Variants in ZFPM2 observed in about 807,000 individuals in gnomAD.
ZFPM2 encodes the protein zinc finger protein ZFPM2.
A neutral mutation model predicts 98.6 loss-of-function variants in ZFPM2; 20 were observed. The observed-to-expected ratio is 0.20, with a 90% CI of 0.14 to 0.29. The LOEUF (loss-of-function observed/expected upper bound fraction) is 0.29, where lower values mean the gene tolerates loss of function less well. ZFPM2 is among the 10% of genes least tolerant of loss of function. ZFPM2 has a pLI of 1.00. For synonymous variants in ZFPM2, 518 were observed against 502.7 expected, an observed-to-expected ratio of 1.03 and a Z score of -0.41; for missense variants, 1,310 against 1,388.6, an observed-to-expected ratio of 0.94 and a Z score of 0.90.
chr8:105,332,765 G>C (rs1812256266), intron 1 of ZFPM2, among the ~76,000 whole-genome samples: 1 of 151,794 alleles, frequency 6.6e-6, no homozygotes, highest in African/African-American at 2.4e-5. Flanking sequence ...ATTGAAGGAG[G>C]AGTGGGAGAT....
rs1447531261 is a variant in ZFPM2 at position 105,617,533 on chromosome 8, T to C, written c.421-16713T>C. On this transcript the variant is annotated intron_variant, in intron 4 of 7. Transcript: ENST00000407775. ...GGTTGCATCCAGAGGTTCTGAGGAGTGGGATAGACCTGCAGGAATGAAGAC... is the reference window on the plus strand; with the variant it reads ...GGTTGCATCCAGAGGTTCTGAGGAGCGGGATAGACCTGCAGGAATGAAGAC... Among the ~76,000 whole-genome samples, 5 of 152,100 alleles carry C rather than the reference T, an allele frequency of 3.3e-5. No individual in the cohort carries two copies. The East Asian group carries it at 9.7e-4, about 30-fold the overall frequency.
chr8:105,765,725 A>G (rs1214281022), intron 5 of ZFPM2, among the ~76,000 whole-genome samples: 3 of 151,920 alleles, frequency 2.0e-5, no homozygotes, highest in African/African-American at 7.2e-5. Flanking sequence ...TTGTAATAGT[A>G]ACATATTTTC....
intron 2 of ZFPM2, among the ~76,000 whole-genome samples, chr8:105,441,228 C>G (rs1369148135): frequency 1.3e-5 from 2 of 151,654 alleles, no homozygotes; most frequent in Non-Finnish European, 2.9e-5. Context: ...TTTCATTTGT[C>G]AACTTACTCT....
intron 1 of ZFPM2, among the ~76,000 whole-genome samples, chr8:105,414,705 A>G (rs1263023899): frequency 2.0e-5 from 3 of 151,966 alleles, no homozygotes; most frequent in Non-Finnish European, 4.4e-5. Context: ...AATTGTAGCA[A>G]TAATTTTCTT....
chr8:105,682,188 A>C (rs556049693), intron 5 of ZFPM2, among the ~76,000 whole-genome samples: 1 of 152,296 alleles, frequency 6.6e-6, no homozygotes, highest in South Asian at 2.1e-4. Flanking sequence ...TGTAATAAGT[A>C]TCATGAGGAA....
chr8:105,607,995 T>C (rs1473171108), intron 4 of ZFPM2, among the ~76,000 whole-genome samples: 2 of 152,084 alleles, frequency 1.3e-5, no homozygotes, highest in African/African-American at 4.8e-5. Flanking sequence ...TATGGAATAC[T>C]GTGCAGCCGT....
chr8:105,338,771 G>T (rs1426135703), intron 1 of ZFPM2, among the ~76,000 whole-genome samples: 1 of 151,832 alleles, frequency 6.6e-6, no homozygotes, highest in Non-Finnish European at 1.5e-5. Flanking sequence ...GAATTTGCAT[G>T]TGTCTTACCT....
chr8:105,556,696 C>CCCCTT (rs202163654), intron 3 of ZFPM2, among the ~76,000 whole-genome samples: 17,545 of 121,334 alleles, frequency 0.14, 1,941 homozygotes, highest in African/African-American at 0.23. Flanking sequence ...TTCCCCCTTC[C>CCCCTT]CCCTTCCCTT....
At chr8:105,775,903 C>T (rs1186569500) in intron 5 of ZFPM2, among the ~76,000 whole-genome samples, 1 of 152,122 alleles carries the variant, frequency 6.6e-6, no homozygotes, top group Non-Finnish European at 1.5e-5. Flanking sequence ...GCCTCCAACA[C>T]ATTAATTCAG....
chr8:105,422,660 G>A (rs1462510696), intron 2 of ZFPM2, among the ~76,000 whole-genome samples: 1 of 152,014 alleles, frequency 6.6e-6, no homozygotes, highest in Non-Finnish European at 1.5e-5. Context: ...TTTGTAAATT[G>A]AATGTTTTTT....
intron 1 of ZFPM2, among the ~76,000 whole-genome samples, chr8:105,377,955 T>C (rs1337681029): frequency 6.6e-6 from 1 of 152,124 alleles, no homozygotes; most frequent in Non-Finnish European, 1.5e-5. Context: ...GATGAGTGTG[T>C]AAAAAGTGTG....
At chr8:105,387,033 G>A (rs1158490961) in intron 1 of ZFPM2, 1 of 152,314 alleles carries the variant, frequency 6.6e-6, no homozygotes, top group Non-Finnish European at 1.5e-5. Flanking sequence ...GTGCCGATTG[G>A]TGTATTTACA....
chr8:105,535,294 A>C (rs1009513444), intron 3 of ZFPM2, among the ~76,000 whole-genome samples: 10 of 152,154 alleles, frequency 6.6e-5, no homozygotes, highest in Non-Finnish European at 1.2e-4. Flanking sequence ...TATTGTTATT[A>C]AAGCATGCTA....
rs114512932 is a variant in ZFPM2 at position 105,637,871 on chromosome 8, C to T, written c.532+3514C>T. The stretch of plus-strand genomic sequence containing the variant: ...AACTCCACAATGTTTGTGGCATTTT[C>T]GTAATGCCTATATTATTTATTAATT... On this transcript the variant is annotated intron_variant, in intron 5 of 7. Coordinates refer to ENST00000407775, the MANE Select transcript of ZFPM2 (RefSeq NM_012082.4). 5.3e-3 allele frequency among the ~76,000 whole-genome samples: 804 copies of T among 152,168 alleles called. 5 individuals are homozygous for T. The highest frequency in any genetic ancestry group is 0.015 in the African/African-American group (635 of 41,520).
intron 5 of ZFPM2, among the ~76,000 whole-genome samples, chr8:105,684,264 G>T (rs1452761786): frequency 1.3e-5 from 2 of 151,984 alleles, no homozygotes; most frequent in Non-Finnish European, 2.9e-5. Flanking sequence ...TTTTCACAAA[G>T]GACTTGAGAT....
chr8:105,434,399 CT>C (rs1373800334), intron 2 of ZFPM2, among the ~76,000 whole-genome samples: 1 of 152,184 alleles, frequency 6.6e-6, no homozygotes, highest in Non-Finnish European at 1.5e-5. Flanking sequence ...GAATCTTAAA[CT>C]TTAATGTCCT....
intron 5 of ZFPM2, among the ~76,000 whole-genome samples, chr8:105,767,314 C>A (rs1812876270): frequency 6.6e-6 from 1 of 151,816 alleles, no homozygotes; most frequent in South Asian, 2.1e-4. Context: ...AAAAATATTG[C>A]TTTTATGCAA....
chr8:105,419,067 AAAG>A (rs1327969357), intron 1 of ZFPM2, 74 bp from the exon 2 acceptor site: 3 of 1,433,330 alleles, frequency 2.1e-6, no homozygotes, highest in Admixed American at 2.3e-5. Flanking sequence ...TGTAACAAAA[AAAG>A]GCTCTATTTA....
chr8:105,802,725 A>C lies in ZFPM2; in HGVS notation c.2643A>C (p.Ala881=). The change falls in exon 8 of 8, where the codon GCA becomes GCC. Residue 881 remains alanine (A), a synonymous_variant. Coordinates refer to ENST00000407775, the MANE Select transcript of ZFPM2 (RefSeq NM_012082.4). ...AGCAGAATTTCTGCCCGGTTACTGC[A>C]CATCAGCGTAATGACCTGGGTCAAC... ...AHKQNFCPVT[A]HQRNDLGQLD... The C allele has an allele frequency of 6.2e-7, 1 of 1,613,222 alleles. No homozygotes were observed. The highest frequency in any genetic ancestry group is 8.5e-7 in the Non-Finnish European group (1 of 1,179,638).
Sources: gnomAD v4.1 joint callset for allele counts (sites outside exome capture counted in the v4.1 genomes callset) on GRCh38, gnomAD v4.1.1 for gene constraint, MANE v1.5 for transcripts, NCBI Gene and HGNC (gene_info 2026-07-23, HGNC 2026-07-21) for gene names.